CSRNP3: variants seen among roughly 807,000 people sequenced by gnomAD.
CSRNP3 encodes cysteine and serine rich nuclear protein 3, also known as cysteine/serine-rich nuclear protein 3.
CSRNP3 carries 12 observed loss-of-function variants against 48.0 expected under a neutral mutation model. The observed-to-expected ratio is 0.25, with a 90% CI of 0.16 to 0.41. The LOEUF (loss-of-function observed/expected upper bound fraction) is 0.41, where lower values mean the gene tolerates loss of function less well. CSRNP3 is among the 10% of genes least tolerant of loss of function. The pLI, the probability that CSRNP3 is intolerant of heterozygous loss-of-function variation, is 1.00. For synonymous variants in CSRNP3, 263 were observed against 269.7 expected, an observed-to-expected ratio of 0.98 and a Z score of 0.24; for missense variants, 580 against 724.4, an observed-to-expected ratio of 0.80 and a Z score of 2.29.
At chr2:165,523,913 C>G (rs1445915336) in intron 3 of CSRNP3, among the ~76,000 whole-genome samples, 4 of 152,190 alleles carry the variant, frequency 2.6e-5, no homozygotes, top group Admixed American at 2.6e-4. Context: ...TCTTCCTAAT[C>G]AAGCAAAGCT....
chr2:165,552,665 C>G (rs1278132246), intron 3 of CSRNP3, among the ~76,000 whole-genome samples: 1 of 151,936 alleles, frequency 6.6e-6, no homozygotes, highest in African/African-American at 2.4e-5. Context: ...GTTTTTCTCT[C>G]TCTAATACCA....
chr2:165,577,564 GT>G (rs1485521409), intron 3 of CSRNP3, among the ~76,000 whole-genome samples: 9 of 151,434 alleles, frequency 5.9e-5, no homozygotes, highest in Non-Finnish European at 1.0e-4. Context: ...GTCAGTTTAG[GT>G]TTTTTTTCAT....
intron 4 of CSRNP3, among the ~76,000 whole-genome samples, chr2:165,632,948 T>C (rs1241684427): frequency 1.3e-5 from 2 of 152,232 alleles, no homozygotes; most frequent in African/African-American, 4.8e-5. Flanking sequence ...GGTAGACATG[T>C]GAAAAATATT....
intron 5 of CSRNP3, among the ~76,000 whole-genome samples, chr2:165,666,882 A>AG: frequency 7.3e-6 from 1 of 137,398 alleles, no homozygotes; most frequent in African/African-American, 2.7e-5. Context: ...AGAGAGAGGA[A>AG]GAAGGAAAGA....
intron 2 of CSRNP3, among the ~76,000 whole-genome samples, chr2:165,516,935 G>A (rs1279389571): frequency 6.6e-6 from 1 of 152,050 alleles, no homozygotes; most frequent in Non-Finnish European, 1.5e-5. Flanking sequence ...AGCATAAGTT[G>A]CTTGTGTAGG....
intron 1 of CSRNP3, among the ~76,000 whole-genome samples, chr2:165,490,182 T>G (rs1299096382): frequency 6.7e-6 from 1 of 148,558 alleles, no homozygotes; most frequent in Non-Finnish European, 1.5e-5. Flanking sequence ...AAATCATGAG[T>G]GAACTCCCAT....
At chr2:165,599,827 C>T (rs6724176) in intron 4 of CSRNP3, among the ~76,000 whole-genome samples, 12 of 151,902 alleles carry the variant, frequency 7.9e-5, no homozygotes, top group Non-Finnish European at 1.2e-4. Context: ...TATTTCTTTA[C>T]TTTTTTTTAC....
intron 3 of CSRNP3, among the ~76,000 whole-genome samples, chr2:165,521,944 T>TACA (rs1475678420): frequency 6.6e-6 from 1 of 152,146 alleles, no homozygotes; most frequent in Non-Finnish European, 1.5e-5. Context: ...TCCACTCTAC[T>TACA]ACAACAACCA....
intron 3 of CSRNP3, among the ~76,000 whole-genome samples, chr2:165,524,795 T>A (rs1684711912): frequency 1.3e-5 from 2 of 152,216 alleles, no homozygotes; most frequent in South Asian, 4.1e-4. Context: ...TTAAGTAGCA[T>A]TTATTTGTAT....
rs150552502 is a variant in CSRNP3, at chr2:165,525,389, C to T, written c.-24+7428C>T. Reference sequence around the variant, plus strand: ...TGCTTTTTTGTTTTCTTGACCACATCCTTTTAGAGTTTTAAATTTGGTAAA... The same window carrying T: ...TGCTTTTTTGTTTTCTTGACCACATTCTTTTAGAGTTTTAAATTTGGTAAA... On this transcript the variant is annotated intron_variant, in intron 3 of 6. Coordinates refer to ENST00000651982, the MANE Select transcript of CSRNP3 (RefSeq NM_001172173.2). Among the ~76,000 whole-genome samples the T allele has an allele frequency of 1.4e-3, 219 of 151,462 alleles. 7 individuals carry two copies. The East Asian group carries it at 0.038, about 26-fold the overall frequency.
At chr2:165,597,569 A>G (rs1685833996) in intron 4 of CSRNP3, among the ~76,000 whole-genome samples, 1 of 152,138 alleles carries the variant, frequency 6.6e-6, no homozygotes, top group African/African-American at 2.4e-5. Context: ...TGATATGAGA[A>G]GAAGAAATAA....
chr2:165,502,318 GGAAAAA>G (rs1684368941), intron 2 of CSRNP3, among the ~76,000 whole-genome samples: 1 of 151,538 alleles, frequency 6.6e-6, no homozygotes, highest in African/African-American at 2.4e-5. Flanking sequence ...AGATCCAGAA[GGAAAAA>G]GAAAAACACA....
Position 165,657,776 on chromosome 2 carries a change from A to C in CSRNP3, c.164A>C (p.Lys55Thr). 1 of 1,613,498 alleles carries C rather than the reference A, an allele frequency of 6.2e-7. No homozygotes were observed. The change falls in exon 5 of 7, where the codon AAA becomes ACA. Residue 55 changes from lysine to threonine, a missense_variant. Lys to Thr is a moderately conservative substitution (Grantham distance 78, BLOSUM62 -1). This residue lies in a region of CSRNP3 where 83 missense variants were observed against 139.6 expected (regional missense o/e 0.59). Coordinates refer to ENST00000651982, the MANE Select transcript of CSRNP3 (RefSeq NM_001172173.2). ...SSHFTPSSIL[K>T]REKRLRTKNV... ...TCTCTTTCAGCTTCCTCCATTCTCAAAAGGGAGAAACGACTGAGGACAAAG... is the reference window on the plus strand; with the variant it reads ...TCTCTTTCAGCTTCCTCCATTCTCACAAGGGAGAAACGACTGAGGACAAAG...
chr2:165,664,781 T>C (rs1010905427), intron 5 of CSRNP3, among the ~76,000 whole-genome samples: 4 of 152,142 alleles, frequency 2.6e-5, no homozygotes, highest in Non-Finnish European at 5.9e-5. Flanking sequence ...ACACTAAGGA[T>C]ATAGTGGCTT....
chr2:165,584,977 A>G (rs1341419033), intron 3 of CSRNP3, among the ~76,000 whole-genome samples: 2 of 152,218 alleles, frequency 1.3e-5, no homozygotes, highest in Admixed American at 1.3e-4. Flanking sequence ...CCTGGGCCAC[A>G]TTACAGCCTA....
intron 3 of CSRNP3, among the ~76,000 whole-genome samples, chr2:165,536,899 A>G (rs929369487): frequency 3.3e-5 from 5 of 151,936 alleles, no homozygotes; most frequent in African/African-American, 1.2e-4. Flanking sequence ...TAATTAATAT[A>G]TATTAAGATC....
At chr2:165,495,938 A>G (rs143537490) in intron 2 of CSRNP3, among the ~76,000 whole-genome samples, 36 of 152,138 alleles carry the variant, frequency 2.4e-4, no homozygotes, top group Non-Finnish European at 4.6e-4. Context: ...TGGCACATGT[A>G]TACCTATGTA....
chr2:165,499,617 G>C (rs1684330156), intron 2 of CSRNP3, among the ~76,000 whole-genome samples: 2 of 152,060 alleles, frequency 1.3e-5, no homozygotes, highest in Admixed American at 1.3e-4. Flanking sequence ...GATCTTGCAG[G>C]AACTAGAATA....
chr2:165,609,465 G>GAAAAAAAAA (rs34249194), intron 4 of CSRNP3, among the ~76,000 whole-genome samples: 21 of 97,558 alleles, frequency 2.2e-4, no homozygotes, highest in East Asian at 6.5e-4. Context: ...TCTAAAAAAA[G>GAAAAAAAAA]AAAAAAAAAA....
Sources: allele counts gnomAD v4.1 joint callset (sites outside exome capture counted in the v4.1 genomes callset), GRCh38; gene constraint gnomAD v4.1.1; regional missense constraint gnomAD v4.1.1; transcripts MANE v1.5; gene names NCBI Gene and HGNC (gene_info 2026-07-23, HGNC 2026-07-21).